Variants in ADGRL3 observed in about 807,000 individuals in gnomAD.
The protein encoded by ADGRL3 is calcium-independent alpha-latrotoxin receptor 3.
ADGRL3 carries 62 observed loss-of-function variants against 153.5 expected under a neutral mutation model. That is an observed-to-expected ratio of 0.40 (90% confidence interval 0.33 to 0.50). The LOEUF (loss-of-function observed/expected upper bound fraction) is 0.50, where lower values mean the gene tolerates loss of function less well. ADGRL3 is among the 20% of genes least tolerant of loss of function. The probability of loss-of-function intolerance (pLI) is 0.47; values close to 1 mark genes in which losing one functional copy is unlikely to be tolerated. For synonymous variants in ADGRL3, 710 were observed against 672.5 expected (o/e 1.06, Z -0.86); for missense variants, 1,641 against 1,859.4 (o/e 0.88, Z 2.16).
At chr4:61,408,179 T>C (rs7683174) in intron 2 of ADGRL3, among the ~76,000 whole-genome samples, 4,703 of 152,180 alleles carry the variant, frequency 0.031, 227 homozygotes, top group East Asian at 0.21. Context: ...AATTTAAACT[T>C]CTGCAAGGTT....
chr4:61,681,442 CAT>C (rs1309143232), intron 6 of ADGRL3, among the ~76,000 whole-genome samples: 1 of 151,962 alleles, frequency 6.6e-6, no homozygotes, highest in African/African-American at 2.4e-5. Context: ...AATCTTCTCT[CAT>C]GGTGAATTTT....
chr4:61,829,702 A>T lies in ADGRL3; in HGVS notation c.1480+15813A>T, dbSNP rs530061031. Among the ~76,000 whole-genome samples, 51 of 152,240 alleles carry T rather than the reference A, an allele frequency of 3.3e-4. 1 individual carries two copies. Among genetic ancestry groups the T allele is most frequent in the African/African-American group, 4.6e-4 (19 of 41,552 alleles). On this transcript the variant is annotated intron_variant, in intron 9 of 26. Coordinates refer to ENST00000683033, the MANE Select transcript of ADGRL3 (RefSeq NM_001387552.1). ...TTATGTGTTTTTTACCACTTTTTTTAAAAAAAGAACTTCTCCATTGGACAA... is the reference window on the plus strand; with the variant it reads ...TTATGTGTTTTTTACCACTTTTTTTTAAAAAAGAACTTCTCCATTGGACAA...
At chr4:61,835,795 A>G (rs553308291) in intron 9 of ADGRL3, among the ~76,000 whole-genome samples, 1 of 152,336 alleles carries the variant, frequency 6.6e-6, no homozygotes, top group African/African-American at 2.4e-5. Flanking sequence ...TCCAGAAGCC[A>G]AGAATTGAAC....
At chr4:62,063,629 A>C in intron 25 of ADGRL3, 1 of 694,688 alleles carries the variant, frequency 1.4e-6, no homozygotes. Flanking sequence ...TGTACAACGC[A>C]CAAGGTGTGC....
chr4:61,556,074 C>T (rs1276868550), intron 4 of ADGRL3, among the ~76,000 whole-genome samples: 2 of 152,116 alleles, frequency 1.3e-5, no homozygotes, highest in African/African-American at 4.8e-5. Context: ...CTTATTTGTC[C>T]AGCTCCTATT....
chr4:61,454,508 T>C (rs771896948), intron 2 of ADGRL3, among the ~76,000 whole-genome samples: 1 of 152,166 alleles, frequency 6.6e-6, no homozygotes. Context: ...TATTACAGTG[T>C]ACTGAAGTGT....
chr4:61,318,210 A>AAAAC (rs1553901895), intron 1 of ADGRL3, among the ~76,000 whole-genome samples: 2 of 136,466 alleles, frequency 1.5e-5, no homozygotes, highest in East Asian at 2.2e-4. Flanking sequence ...AAAAAAAAAA[A>AAAAC]AAAACACAAA....
At chr4:61,449,060 C>T (rs2097640620) in intron 2 of ADGRL3, among the ~76,000 whole-genome samples, 1 of 152,032 alleles carries the variant, frequency 6.6e-6, no homozygotes, top group Non-Finnish European at 1.5e-5. Context: ...AATTTGAAGA[C>T]ATTGGGGGAC....
In ADGRL3 at chr4:61,997,246, G is replaced by GAA. The variant is rs770994492; in HGVS notation, c.3303+903_3303+904dup. Among the ~76,000 whole-genome samples the GAA allele has an allele frequency of 1.5e-4, 11 of 71,800 alleles. No individual in the cohort carries two copies. The East Asian group carries it at 2.0e-3, about 13-fold the overall frequency. 47.1% of individuals were successfully genotyped at this position (71,800 alleles called of 152,430 possible). On this transcript the variant is annotated intron_variant, in intron 20 of 26. Coordinates refer to ENST00000683033, the MANE Select transcript of ADGRL3 (RefSeq NM_001387552.1). ...TGTAATCAAATACAGTATTTCAACAGAAAAAAAAAAAAAAAGGAAAGGTAA... is the reference window on the plus strand; with the variant it reads ...TGTAATCAAATACAGTATTTCAACAGAAAAAAAAAAAAAAAAAGGAAAGGTAA...
intron 6 of ADGRL3, among the ~76,000 whole-genome samples, chr4:61,719,604 C>CT (rs11383976): frequency 0.66 from 90,612 of 137,020 alleles, 30,215 homozygotes; most frequent in East Asian, 0.92. Flanking sequence ...TCTGTCATAC[C>CT]TTTTTTTTTT....
chr4:62,005,274 CT>C (rs1448328964), intron 21 of ADGRL3, among the ~76,000 whole-genome samples: 2 of 151,980 alleles, frequency 1.3e-5, no homozygotes, highest in Non-Finnish European at 2.9e-5. Context: ...TCTTTTTTGG[CT>C]TTTCTTTAAA....
intron 21 of ADGRL3, among the ~76,000 whole-genome samples, chr4:62,013,995 GAT>G (rs2099199784): frequency 6.6e-6 from 1 of 151,870 alleles, no homozygotes; most frequent in South Asian, 2.1e-4. Flanking sequence ...GAGGAGAGGG[GAT>G]ATAAGAAAGT....
rs185473915 is a variant in ADGRL3 at position 61,605,255 on chromosome 4, A to C, written c.473+17815A>C. Among the ~76,000 whole-genome samples the C allele has an allele frequency of 2.5e-3, 380 of 152,210 alleles. 6 individuals are homozygous for C. The highest frequency in any genetic ancestry group is 4.1e-4 in the Non-Finnish European group (28 of 67,992). On this transcript the variant is annotated intron_variant, in intron 5 of 26. Transcript: ENST00000683033. ...ATTCTGCGTTTTGAGGAAGCCTTTAAATTCGTCTCATTATAACTTTCACTT... is the reference window on the plus strand; with the variant it reads ...ATTCTGCGTTTTGAGGAAGCCTTTACATTCGTCTCATTATAACTTTCACTT...
chr4:61,539,078 C>T (rs2098674387), intron 4 of ADGRL3, among the ~76,000 whole-genome samples: 1 of 152,162 alleles, frequency 6.6e-6, no homozygotes, highest in South Asian at 2.1e-4. Context: ...GGGCAGAGCC[C>T]CTTCCCCTAG....
intron 5 of ADGRL3, among the ~76,000 whole-genome samples, chr4:61,638,720 A>G (rs2093537398): frequency 6.6e-6 from 1 of 152,178 alleles, no homozygotes; most frequent in African/African-American, 2.4e-5. Flanking sequence ...CTCTAAGTTA[A>G]ACAGGAAAGG....
At chr4:61,406,063 T>C (rs1395318125) in intron 2 of ADGRL3, among the ~76,000 whole-genome samples, 2 of 151,984 alleles carry the variant, frequency 1.3e-5, no homozygotes, top group Admixed American at 6.6e-5. Flanking sequence ...ATAATGAAAA[T>C]AGTTAACACT....
At chr4:61,402,550 A>G (rs1308306657) in intron 2 of ADGRL3, among the ~76,000 whole-genome samples, 1 of 152,128 alleles carries the variant, frequency 6.6e-6, no homozygotes, top group Non-Finnish European at 1.5e-5. Context: ...TCTCCTAGGT[A>G]GGGTGATGTT....
Position 61,476,192 on chromosome 4 carries a change from G to A in ADGRL3, c.-173-20929G>A, listed in dbSNP as rs899780009. On this transcript the variant is annotated intron_variant, in intron 2 of 26. Transcript: ENST00000683033. ...TTAATTACTTAACAAATATTCTTGT[G>A]TATTAATAGTTTATAAGGGCAATAA... Among the ~76,000 whole-genome samples, 4 of 151,986 alleles carry A rather than the reference G, an allele frequency of 2.6e-5. No homozygotes were observed. In the South Asian group the frequency reaches 6.2e-4, roughly 24 times the overall value.
At chr4:61,359,956 A>T (rs1043243343) in intron 1 of ADGRL3, among the ~76,000 whole-genome samples, 2 of 151,832 alleles carry the variant, frequency 1.3e-5, no homozygotes, top group Non-Finnish European at 2.9e-5. Context: ...ATATAGTGGT[A>T]TGTATAGTAC....
Sources: allele counts gnomAD v4.1 joint callset (sites outside exome capture counted in the v4.1 genomes callset), GRCh38; gene constraint gnomAD v4.1.1; transcripts MANE v1.5; gene names NCBI Gene and HGNC (gene_info 2026-07-23, HGNC 2026-07-21).